MSRB3: variants seen among roughly 807,000 people sequenced by gnomAD.
MSRB3 encodes the protein methionine sulfoxide reductase B3.
In MSRB3, 13 loss-of-function variants were observed where a neutral mutation model predicts 21.0. That is an observed-to-expected ratio of 0.62 (90% CI 0.40 to 0.98). MSRB3 has a LOEUF of 0.98. Ranked by LOEUF, MSRB3 falls within the 50% of genes least tolerant of loss-of-function variation. The pLI is 0.00. For missense variants in MSRB3, 199 were observed against 230.3 expected, an observed-to-expected ratio of 0.86 and a Z score of 0.88; for synonymous variants, 87 against 88.6, an observed-to-expected ratio of 0.98 and a Z score of 0.10.
At chr12:65,295,587 G>A (rs1229433941) in intron 1 of MSRB3, among the ~76,000 whole-genome samples, 1 of 151,458 alleles carries the variant, frequency 6.6e-6, no homozygotes, top group East Asian at 1.9e-4. Flanking sequence ...ATGTATGGCT[G>A]TTTATTTCCT....
At chr12:65,307,801 G>A (rs1248352739) in intron 1 of MSRB3, among the ~76,000 whole-genome samples, 2 of 152,014 alleles carry the variant, frequency 1.3e-5, no homozygotes, top group Non-Finnish European at 2.9e-5. Context: ...GATTGACCTA[G>A]AAATTATAAA....
chr12:65,284,704 G>C (rs1872237951), intron 1 of MSRB3: 1 of 152,204 alleles, frequency 6.6e-6, no homozygotes, highest in East Asian at 1.9e-4. Context: ...GAAGGGTACA[G>C]GAAAAGCATC....
chr12:65,366,344 A>C (rs1336998798), intron 4 of MSRB3, among the ~76,000 whole-genome samples: 1 of 152,170 alleles, frequency 6.6e-6, no homozygotes, highest in East Asian at 1.9e-4. Flanking sequence ...CCTGACCTGA[A>C]GAAGGGGCCC....
At chr12:65,388,541 A>G (rs1190851508) in intron 5 of MSRB3, among the ~76,000 whole-genome samples, 1 of 152,236 alleles carries the variant, frequency 6.6e-6, no homozygotes, top group African/African-American at 2.4e-5. Flanking sequence ...TGTGTAATTC[A>G]ACTAAATTGA....
intron 5 of MSRB3, among the ~76,000 whole-genome samples, chr12:65,400,477 G>T (rs1880063452): frequency 6.6e-6 from 1 of 151,944 alleles, no homozygotes; most frequent in South Asian, 2.1e-4. Flanking sequence ...ATTTTTTATT[G>T]TGTCTATTTG....
chr12:65,283,433 AT>A (rs202103470), intron 1 of MSRB3, among the ~76,000 whole-genome samples: 1,457 of 144,030 alleles, frequency 0.01, 12 homozygotes, highest in South Asian at 0.025. Flanking sequence ...ATCACCTAGA[AT>A]TTTTTTTTTT....
intron 5 of MSRB3, among the ~76,000 whole-genome samples, chr12:65,439,847 T>C (rs1460401396): frequency 1.3e-5 from 2 of 151,478 alleles, no homozygotes; most frequent in Non-Finnish European, 3.0e-5. Context: ...ATCAAAAAAA[T>C]AGATTAACTC....
chr12:65,305,607 C>T (rs1456749697), intron 1 of MSRB3, among the ~76,000 whole-genome samples: 1 of 152,104 alleles, frequency 6.6e-6, no homozygotes, highest in East Asian at 1.9e-4. Flanking sequence ...ACTTAACCTC[C>T]CTATGCCTCA....
chr12:65,376,021 T>C (rs891181451), intron 5 of MSRB3, among the ~76,000 whole-genome samples: 1 of 152,202 alleles, frequency 6.6e-6, no homozygotes, highest in Admixed American at 6.5e-5. Flanking sequence ...AGTGGACATT[T>C]ATTAGACAAC....
At chr12:65,428,698 C>T (rs1881728587) in intron 5 of MSRB3, among the ~76,000 whole-genome samples, 2 of 152,140 alleles carry the variant, frequency 1.3e-5, no homozygotes, top group Admixed American at 1.3e-4. Context: ...AAATATCCCT[C>T]CCTTTGCATG....
intron 2 of MSRB3, among the ~76,000 whole-genome samples, chr12:65,325,175 A>G (rs1050387541): frequency 6.6e-6 from 1 of 152,336 alleles, no homozygotes; most frequent in Middle Eastern, 3.4e-3. Context: ...CATTCAAGCT[A>G]TTGAGAGGCT....
chr12:65,308,850 G>T (rs1592510091), intron 2 of MSRB3, 195 bp downstream of exon 2: 3 of 710,520 alleles, frequency 4.2e-6, no homozygotes, highest in Non-Finnish European at 7.1e-6. Flanking sequence ...ACAACCCTTG[G>T]AACATTGTCC....
At chr12:65,349,971 T>C (rs1196700937) in intron 4 of MSRB3, among the ~76,000 whole-genome samples, 38 of 152,192 alleles carry the variant, frequency 2.5e-4, no homozygotes, top group African/African-American at 9.2e-4. Flanking sequence ...GTTTTGGACA[T>C]GACGTCCTTG....
chr12:65,442,869 T>C (rs1455682495), intron 5 of MSRB3, among the ~76,000 whole-genome samples: 3 of 152,098 alleles, frequency 2.0e-5, no homozygotes, highest in Admixed American at 6.6e-5. Context: ...CTGTGTAAGA[T>C]GTATTTTTAA....
At chr12:65,420,337 AT>A (rs76129224) in intron 5 of MSRB3, among the ~76,000 whole-genome samples, 43,273 of 145,752 alleles carry the variant, frequency 0.3, 6,782 homozygotes, top group Middle Eastern at 0.47. Context: ...GCCTTCAGCT[AT>A]TTTTTTTTTC....
chr12:65,437,506 C>T (rs1164581166), intron 5 of MSRB3, among the ~76,000 whole-genome samples: 1 of 151,772 alleles, frequency 6.6e-6, no homozygotes, highest in East Asian at 1.9e-4. Flanking sequence ...CAGGCCTGAA[C>T]CCAAGTGAGA....
chr12:65,339,673 T>C (rs1876013637), intron 4 of MSRB3, among the ~76,000 whole-genome samples: 1 of 152,200 alleles, frequency 6.6e-6, no homozygotes, highest in Admixed American at 6.5e-5. Context: ...ATATAATTCA[T>C]TTAATTATAA....
intron 5 of MSRB3, among the ~76,000 whole-genome samples, chr12:65,431,338 C>T (rs542887933): frequency 1.3e-5 from 2 of 152,112 alleles, no homozygotes; most frequent in East Asian, 3.9e-4. Context: ...TAACCTCCTC[C>T]TGTCATGACA....
intron 5 of MSRB3, among the ~76,000 whole-genome samples, chr12:65,381,821 CTTAA>C (rs1278459293): frequency 2.0e-5 from 3 of 151,740 alleles, no homozygotes; most frequent in Admixed American, 1.3e-4. Context: ...AGTATTATTC[CTTAA>C]TTAAGAACTT....
Sources: gnomAD v4.1 joint callset for allele counts (sites outside exome capture counted in the v4.1 genomes callset) on GRCh38, gnomAD v4.1.1 for gene constraint, MANE v1.5 for transcripts, NCBI Gene and HGNC (gene_info 2026-07-23, HGNC 2026-07-21) for gene names.